CYRIA: variants seen among roughly 807,000 people sequenced by gnomAD.
CYRIA encodes the protein CYFIP related Rac1 interactor A, also known as CYFIP-related Rac1 interactor A.
In CYRIA, 15 loss-of-function variants were observed where a neutral mutation model predicts 43.9. That is an observed-to-expected ratio of 0.34 (90% CI 0.23 to 0.53). The LOEUF (loss-of-function observed/expected upper bound fraction) is 0.53. Ranked by LOEUF, CYRIA falls within the 20% of genes least tolerant of loss-of-function variation. CYRIA has a pLI of 0.94. For synonymous variants in CYRIA, 117 were observed against 136.0 expected (o/e 0.86, Z 0.97); for missense variants, 236 against 394.2 (o/e 0.60, Z 3.40).
intron 2 of CYRIA, among the ~76,000 whole-genome samples, chr2:16,602,608 A>G (rs1668250650): frequency 1.3e-5 from 2 of 152,130 alleles, no homozygotes; most frequent in African/African-American, 4.8e-5. Flanking sequence ...TTCATAATAT[A>G]CAGGCCCCCT....
intron 3 of CYRIA, among the ~76,000 whole-genome samples, chr2:16,586,648 C>CAAA (rs5829556): frequency 7.6e-5 from 11 of 144,748 alleles, no homozygotes; most frequent in South Asian, 4.4e-4. Context: ...CCAAAGACAC[C>CAAA]AAAAAAAAAA....
At chr2:16,642,712 C>T (rs985583237) in intron 1 of CYRIA, among the ~76,000 whole-genome samples, 4 of 152,212 alleles carry the variant, frequency 2.6e-5, no homozygotes, top group African/African-American at 9.6e-5. Context: ...TCACATTGGC[C>T]TCCTAGCTTG....
intron 1 of CYRIA, among the ~76,000 whole-genome samples, chr2:16,633,535 A>G (rs1363388429): frequency 2.3e-5 from 3 of 129,876 alleles, no homozygotes; most frequent in Non-Finnish European, 4.8e-5. Context: ...GCAGGTCACT[A>G]TCCCTGGCTT....
chr2:16,606,782 A>C (rs1038905687), intron 2 of CYRIA, among the ~76,000 whole-genome samples: 1 of 152,108 alleles, frequency 6.6e-6, no homozygotes, highest in Non-Finnish European at 1.5e-5. Context: ...GGACCTTGGG[A>C]TGACTCGACA....
intron 1 of CYRIA, among the ~76,000 whole-genome samples, chr2:16,649,274 C>G (rs184062977): frequency 6.6e-6 from 1 of 152,212 alleles, no homozygotes; most frequent in East Asian, 1.9e-4. Flanking sequence ...ATTTTGATAT[C>G]TTGGGAGAGG....
chr2:16,656,229 CAT>C (rs532127179), intron 1 of CYRIA, among the ~76,000 whole-genome samples: 72 of 151,956 alleles, frequency 4.7e-4, no homozygotes, highest in African/African-American at 1.7e-3. Context: ...TGCACACACA[CAT>C]ACCCACACTC....
chr2:16,622,408 T>A (rs1000417043), intron 2 of CYRIA, among the ~76,000 whole-genome samples: 1 of 152,162 alleles, frequency 6.6e-6, no homozygotes, highest in Non-Finnish European at 1.5e-5. Flanking sequence ...TTTTAAATCG[T>A]TGGGGCTTAA....
In CYRIA at chr2:16,650,356, C is replaced by T. The variant is rs1444470713; in HGVS notation, c.-167+15424G>A. Among the ~76,000 whole-genome samples the T allele has an allele frequency of 1.3e-5, 2 of 152,190 alleles. No homozygotes were observed. The highest frequency in any genetic ancestry group is 2.9e-5 in the Non-Finnish European group (2 of 68,036). On this transcript the variant is annotated intron_variant, in intron 1 of 11. Coordinates refer to ENST00000381323, the MANE Select transcript of CYRIA (RefSeq NM_030797.4). This position sits in a 1 kb window ranked among gnomAD's most constrained non-coding sequence, Gnocchi z 4.1. ...AAGAGGAGCAAAGCTATATACTCAG[C>T]TGAATGAGTATATAGTATAAAACAA...
At chr2:16,617,560 G>A (rs1036130587) in intron 2 of CYRIA, among the ~76,000 whole-genome samples, 1 of 152,268 alleles carries the variant, frequency 6.6e-6, no homozygotes, top group African/African-American at 2.4e-5. Flanking sequence ...CTCAGCACAG[G>A]GCTGGTAGCT....
In CYRIA at chr2:16,584,903, T is replaced by C. The variant is rs367910309; in HGVS notation, c.70+3147A>G. On this transcript the variant is annotated intron_variant, in intron 3 of 11. Transcript: ENST00000381323. ...TGGCCTTCTGTTTCCCAAAACTAGA[T>C]GTATGCTCTTTTTCCTTCCTTACTG... Among the ~76,000 whole-genome samples, 5 of 152,302 alleles carry C rather than the reference T, an allele frequency of 3.3e-5. No homozygotes were observed. The East Asian group carries it at 9.6e-4, about 29-fold the overall frequency.
At chr2:16,566,006 G>A (rs1293164761) in intron 3 of CYRIA, among the ~76,000 whole-genome samples, 5 of 152,136 alleles carry the variant, frequency 3.3e-5, no homozygotes, top group African/African-American at 1.2e-4. Flanking sequence ...GCACACAGGA[G>A]TCATCATAGG....
At chr2:16,661,747 C>A (rs990284473) in intron 1 of CYRIA, among the ~76,000 whole-genome samples, 1 of 152,128 alleles carries the variant, frequency 6.6e-6, no homozygotes, top group East Asian at 1.9e-4. Flanking sequence ...GCCAAGGAAA[C>A]GACAATGCTG....
intron 1 of CYRIA, among the ~76,000 whole-genome samples, chr2:16,624,608 T>A (rs1463816627): frequency 6.7e-6 from 1 of 150,068 alleles, no homozygotes; most frequent in Non-Finnish European, 1.5e-5. Context: ...GGCCCAGGTC[T>A]CTCTCTCTCT....
intron 1 of CYRIA, among the ~76,000 whole-genome samples, chr2:16,660,783 C>T (rs938095616): frequency 3.3e-5 from 5 of 152,180 alleles, no homozygotes; most frequent in African/African-American, 4.8e-5. Context: ...TAAGCAGACA[C>T]CAGACTCAGG....
chr2:16,562,294 G>A (rs1287809297), intron 5 of CYRIA, among the ~76,000 whole-genome samples, 153 bp from the exon 6 acceptor site: 1 of 152,184 alleles, frequency 6.6e-6, no homozygotes, highest in East Asian at 1.9e-4. Context: ...GGACGAGGAA[G>A]AGAAGGAATC....
chr2:16,577,480 A>G (rs556226398), intron 3 of CYRIA, among the ~76,000 whole-genome samples: 2 of 152,318 alleles, frequency 1.3e-5, no homozygotes, highest in South Asian at 4.1e-4. Context: ...TGACTATAAG[A>G]AAGTTGAGGT....
At chr2:16,573,407 T>A (rs1180649265) in intron 3 of CYRIA, among the ~76,000 whole-genome samples, 1 of 152,186 alleles carries the variant, frequency 6.6e-6, no homozygotes, top group African/African-American at 2.4e-5. Flanking sequence ...AACACATTGA[T>A]CAAATATTCT....
chr2:16,631,276 G>C (rs1395215190), intron 1 of CYRIA, among the ~76,000 whole-genome samples: 2 of 152,214 alleles, frequency 1.3e-5, no homozygotes, highest in Non-Finnish European at 1.5e-5. Context: ...ATTGTAACTA[G>C]CCCAGAGCCC....
At chr2:16,554,950 A>C (rs1375821547) in intron 11 of CYRIA, 119 bp downstream of exon 11, 1 of 617,792 alleles carries the variant, frequency 1.6e-6, no homozygotes, top group Non-Finnish European at 2.7e-6. Context: ...TGTTAGGAAG[A>C]TTCAATGTGT....
Sources: gnomAD v4.1 joint callset for allele counts (sites outside exome capture counted in the v4.1 genomes callset) on GRCh38, gnomAD v4.1.1 for gene constraint, Gnocchi (gnomAD v3.1) non-coding constraint, MANE v1.5 for transcripts, NCBI Gene and HGNC (gene_info 2026-07-23, HGNC 2026-07-21) for gene names.